The following FBXW10 variants were observed in gnomAD, a reference collection of about 807,000 sequenced individuals.
The protein encoded by FBXW10 is F-box and WD repeat domain containing 10.
In FBXW10, 68 loss-of-function variants were observed where a neutral mutation model predicts 113.1. That is an observed-to-expected ratio of 0.60 (90% CI 0.49 to 0.74). The LOEUF is 0.74. Among genes scored for constraint, FBXW10 ranks in the 30% least tolerant of loss-of-function variants. The pLI, the probability that FBXW10 is intolerant of heterozygous loss-of-function variation, is 0.00. For synonymous variants in FBXW10, 289 were observed against 481.6 expected (o/e 0.60, Z 5.24); for missense variants, 753 against 1,284.5 (o/e 0.59, Z 6.32).
At chr17:18,753,363 T>C (rs1195576907) in intron 5 of FBXW10, among the ~76,000 whole-genome samples, 1 of 151,224 alleles carries the variant, frequency 6.6e-6, no homozygotes, top group African/African-American at 2.4e-5. Context: ...GACACACAAC[T>C]CTCCCTCCCA....
In FBXW10 at chr17:18,768,645, G is replaced by A. The variant is rs147930073; in HGVS notation, c.1816G>A (p.Glu606Lys). Residue 606 changes from glutamate (E) to lysine (K), a missense_variant, in exon 10 of 14, where the codon GAG (glutamate) becomes AAG (lysine). By Grantham distance (56) the Glu-to-Lys change is moderately conservative. Coordinates refer to ENST00000395665, the MANE Select transcript of FBXW10 (RefSeq NM_001267585.2). ...VMAWSMVGKY[E>K]RCLMAFKHPK... Reference sequence around the variant, plus strand: ...GGCCTGGAGCATGGTGGGGAAGTACGAGCGCTGCCTGATGGCCTTCAAGCA... The same window carrying A: ...GGCCTGGAGCATGGTGGGGAAGTACAAGCGCTGCCTGATGGCCTTCAAGCA... 1.2e-4 allele frequency: 200 copies of A among 1,613,898 alleles called. 1 individual carries two copies. The African/African-American group carries it at 1.6e-3, about 13-fold the overall frequency.
intron 12 of FBXW10, 92 bp from the exon 13 acceptor site, chr17:18,775,043 TC>T: frequency 1.3e-6 from 1 of 781,758 alleles, no homozygotes; most frequent in Non-Finnish European, 2.2e-6. Flanking sequence ...TAAAAATCAG[TC>T]CAATTATCAG....
At position 18,768,644 on chromosome 17, in the gene FBXW10, C is replaced by A. The variant is rs770947926; in HGVS notation, c.1815C>A (p.Tyr605Ter). The A allele has an allele frequency of 1.2e-6, 2 of 1,613,868 alleles. No individual in the cohort carries two copies. Among genetic ancestry groups the A allele is most frequent in the Admixed American group, 3.3e-5 (2 of 59,990 alleles). The change falls in exon 10 of 14, where the codon TAC becomes TAA. Residue 605 changes from tyrosine (Y) to a stop codon, truncating the protein, a stop_gained. Transcript: ENST00000395665. LOFTEE classifies it high-confidence loss of function. ...TGGCCTGGAGCATGGTGGGGAAGTA[C>A]GAGCGCTGCCTGATGGCCTTCAAGC... ...LVMAWSMVGK[Y>*]ERCLMAFKHP... is the part of the protein sequence containing the mutation.
chr17:18,746,519 G>C, intron 1 of FBXW10, among the ~76,000 whole-genome samples: 1 of 152,110 alleles, frequency 6.6e-6, no homozygotes, highest in African/African-American at 2.4e-5. Flanking sequence ...GATGGCCTAG[G>C]ACACAATTAG....
chr17:18,764,200 C>CTTTTTT (rs140032131), intron 7 of FBXW10, among the ~76,000 whole-genome samples: 16 of 116,588 alleles, frequency 1.4e-4, no homozygotes, highest in African/African-American at 5.4e-4. Flanking sequence ...TGTAAATACT[C>CTTTTTT]TTTTTTTTTT....
intron 5 of FBXW10, among the ~76,000 whole-genome samples, chr17:18,751,520 G>A (rs140249969): frequency 7.9e-5 from 12 of 152,226 alleles, no homozygotes; most frequent in African/African-American, 2.2e-4. Context: ...GTGAGCCACC[G>A]CGCTCAGCCC....
Position 18,779,032 on chromosome 17 carries a change from C to G in FBXW10, c.2893C>G (p.Leu965Val), listed in dbSNP as rs2035755159. ...APQVGTATLS[L>V]KKERPRIYTA... ...ACAAGTGGGCACAGCCACCCTGTCT[C>G]TTAAGAAAGAACGGCCTCGCATCTA... The change falls in exon 14 of 14, where the codon CTT (leucine) becomes GTT (valine). Residue 965 changes from leucine to valine, a missense_variant. Transcript: ENST00000395665. 8 of 1,545,396 alleles carry G rather than the reference C, an allele frequency of 5.2e-6. No homozygotes were observed. Among genetic ancestry groups the G allele is most frequent in the Non-Finnish European group, 7.1e-6 (8 of 1,126,242 alleles).
chr17:18,751,985 C>G (rs1236278801), intron 5 of FBXW10, among the ~76,000 whole-genome samples: 3 of 152,068 alleles, frequency 2.0e-5, no homozygotes, highest in Non-Finnish European at 2.9e-5. Context: ...TTCTGCCCCC[C>G]ACTCTGCTTA....
Position 18,744,104 on chromosome 17 carries a change from C to T in FBXW10, c.-141C>T. The T allele has an allele frequency of 7.4e-7, 1 of 1,353,590 alleles. No individual in the cohort carries two copies. Among genetic ancestry groups the T allele is most frequent in the Non-Finnish European group, 1.0e-6 (1 of 995,586 alleles). The allele number at this position is 1,353,590 out of a possible 1,614,324, so 83.8% of individuals were successfully genotyped here. Reference sequence around the variant, plus strand: ...GAGATAGGCTTTCCATCCATGGCAGCCATTTACTTTTGCTCTGGGAGACGT... The same window carrying T: ...GAGATAGGCTTTCCATCCATGGCAGTCATTTACTTTTGCTCTGGGAGACGT... On this transcript the variant is annotated 5_prime_UTR_variant, in exon 1 of 14. Coordinates refer to ENST00000395665, the MANE Select transcript of FBXW10 (RefSeq NM_001267585.2).
chr17:18,777,012 T>C, intron 13 of FBXW10, among the ~76,000 whole-genome samples: 1 of 151,696 alleles, frequency 6.6e-6, no homozygotes, highest in Non-Finnish European at 1.5e-5. Flanking sequence ...AATTCTCTTT[T>C]TGAGTTTGCA....
At position 18,778,643 on chromosome 17, in the gene FBXW10, G is replaced by C. The variant is rs201057327; in HGVS notation, c.2504G>C (p.Cys835Ser). The change falls in exon 14 of 14, where the codon TGT becomes TCT. Residue 835 changes from cysteine (C) to serine (S), a missense_variant. By Grantham distance (112) the Cys-to-Ser change is moderately radical. Transcript: ENST00000395665. ...AATTCCGGGGAATTTGCCTATCCCTGTAGGCCCCAAACAGAAATTACTGAT... is the reference window on the plus strand; with the variant it reads ...AATTCCGGGGAATTTGCCTATCCCTCTAGGCCCCAAACAGAAATTACTGAT... ...AHNSGEFAYP[C>S]RPQTEITDVW... The C allele has an allele frequency of 1.9e-6, 3 of 1,613,688 alleles. No homozygotes were observed. The highest frequency in any genetic ancestry group is 1.6e-4 in the Middle Eastern group (1 of 6,078).
chr17:18,747,150 TCTC>T (rs1743523339), intron 1 of FBXW10, among the ~76,000 whole-genome samples: 1 of 152,068 alleles, frequency 6.6e-6, no homozygotes, highest in African/African-American at 2.4e-5. Flanking sequence ...ATGGTCTCCA[TCTC>T]CTGACCTTGT....
intron 5 of FBXW10, among the ~76,000 whole-genome samples, chr17:18,751,375 G>C (rs1483976552): frequency 6.6e-6 from 1 of 151,970 alleles, no homozygotes; most frequent in African/African-American, 2.4e-5. Flanking sequence ...ACAGGAGCCC[G>C]CCACCACGCC....
At chr17:18,757,015 A>G (rs1211567227) in intron 6 of FBXW10, among the ~76,000 whole-genome samples, 2 of 152,162 alleles carry the variant, frequency 1.3e-5, no homozygotes, top group African/African-American at 4.8e-5. Context: ...GACCAACGGA[A>G]TAAGGGCAAA....
chr17:18,766,914 G>A, intron 9 of FBXW10, 52 bp downstream of exon 9: 1 of 1,508,130 alleles, frequency 6.6e-7, no homozygotes, highest in Non-Finnish European at 9.1e-7. Flanking sequence ...GAGGAGATGG[G>A]TGGGCTCCCC....
intron 1 of FBXW10, among the ~76,000 whole-genome samples, chr17:18,745,579 A>AT (rs2035025840): frequency 6.6e-6 from 1 of 151,594 alleles, no homozygotes; most frequent in Admixed American, 6.6e-5. Context: ...CCATGTCCTA[A>AT]TTTTTTTGTA....
intron 13 of FBXW10, among the ~76,000 whole-genome samples, chr17:18,777,548 C>CTTTTTTT (rs879356764): frequency 1.4e-5 from 2 of 140,204 alleles, no homozygotes. Context: ...TTCACATTTT[C>CTTTTTTT]TTTTTTTTTT....
intron 7 of FBXW10, among the ~76,000 whole-genome samples, chr17:18,762,743 T>A (rs542210234): frequency 1.7e-4 from 26 of 152,304 alleles, no homozygotes; most frequent in East Asian, 1.9e-4. Flanking sequence ...ATCTTCATCT[T>A]GTTCCCCTTC....
intron 8 of FBXW10, 68 bp downstream of exon 8, chr17:18,764,931 T>C: frequency 6.2e-7 from 1 of 1,613,112 alleles, no homozygotes; most frequent in East Asian, 2.2e-5. Context: ...AAATGCTTTG[T>C]TTTGCTCATT....
Sources: allele counts gnomAD v4.1 joint callset (sites outside exome capture counted in the v4.1 genomes callset), GRCh38; gene constraint gnomAD v4.1.1; transcripts MANE v1.5; gene names NCBI Gene and HGNC (gene_info 2026-07-23, HGNC 2026-07-21).